The following GAK variants were observed in gnomAD, a reference collection of about 807,000 sequenced individuals.
GAK encodes cyclin-G-associated kinase.
In GAK, 79 loss-of-function variants were observed where a neutral mutation model predicts 143.9. That is an observed-to-expected ratio of 0.55 (90% CI 0.46 to 0.66). The LOEUF (loss-of-function observed/expected upper bound fraction) is 0.66, where lower values mean the gene tolerates loss of function less well. GAK is among the 30% of genes least tolerant of loss of function. The probability of loss-of-function intolerance (pLI) is 0.00; values close to 1 mark genes in which losing one functional copy is unlikely to be tolerated. For synonymous variants in GAK, 881 were observed against 765.5 expected (o/e 1.15, Z -2.49); for missense variants, 1,693 against 1,779.7 (o/e 0.95, Z 0.88).
intron 3 of GAK, chr4:912,066 G>A: frequency 2.1e-6 from 1 of 475,892 alleles, no homozygotes; most frequent in Non-Finnish European, 4.2e-6. Context: ...CCCGCGCGTG[G>A]CAGGAGGAGG....
chr4:899,471 C>T (rs761738233), intron 5 of GAK, among the ~76,000 whole-genome samples: 22 of 151,624 alleles, frequency 1.5e-4, no homozygotes, highest in Non-Finnish European at 2.6e-4. Context: ...CAGCCACGGA[C>T]GGAAGGTGCT....
At chr4:895,748 G>C (rs1226338602) in intron 7 of GAK, among the ~76,000 whole-genome samples, 1 of 152,222 alleles carries the variant, frequency 6.6e-6, no homozygotes, top group Admixed American at 6.5e-5. Flanking sequence ...GAGATGCAGG[G>C]ATGAGGGAGG....
chr4:852,832 C>G (rs1350080409), intron 24 of GAK: 1 of 152,282 alleles, frequency 6.6e-6, no homozygotes, highest in Non-Finnish European at 1.5e-5. Flanking sequence ...CCAGGGAGGG[C>G]GTCTCTCATA....
At chr4:914,746 C>CCA (rs1722787722) in intron 1 of GAK, among the ~76,000 whole-genome samples, 5 of 115,250 alleles carry the variant, frequency 4.3e-5, no homozygotes, top group Admixed American at 1.7e-4. Context: ...GTGCAAGGCC[C>CCA]CACACACAGC....
At chr4:895,852 C>A (rs1338990124) in intron 7 of GAK, among the ~76,000 whole-genome samples, 1 of 152,172 alleles carries the variant, frequency 6.6e-6, no homozygotes, top group Non-Finnish European at 1.5e-5. Flanking sequence ...CACTCCTGGG[C>A]CAAGGCACTC....
At position 851,002 on chromosome 4, in the gene GAK, C is replaced by A; in HGVS notation, c.3591G>T (p.Gly1197=). 6.2e-7 allele frequency: 1 copy of A among 1,614,144 alleles called. No homozygotes were observed. The highest frequency in any genetic ancestry group is 8.5e-7 in the Non-Finnish European group (1 of 1,179,980). The change falls in exon 26 of 28, where the codon GGG becomes GGT. Residue 1197 remains glycine, a synonymous_variant. Transcript: ENST00000314167. ...TCCTCATCTCTGCAATGGTCTTTGG[C>A]CCTTTCTTGTCAGACCTGGAGGAGA... ...QGFSSRSDKK[G]PKTIAEMRKQ... is the part of the protein sequence containing the mutation.
Position 893,488 on chromosome 4 carries a change from G to A in GAK, c.879C>T (p.Arg293=), listed in dbSNP as rs202217789. The A allele has an allele frequency of 4.3e-4, 671 of 1,564,108 alleles. 4 individuals carry two copies. The East Asian group carries it at 9.7e-3, about 23-fold the overall frequency. ...CCTCCGGGTTCACCTGCAGCATGGC[G>A]CCTGCAGCAGAAGCACAGCGCGCTC... is the stretch of plus-strand genomic sequence containing the variant. The part of the protein sequence containing the change: ...TQYTVFHSLI[R]AMLQVNPEER... The change falls in exon 9 of 28, where the codon CGC becomes CGT. Residue 293 remains arginine (R), a splice_region_variant and synonymous_variant. Coordinates refer to ENST00000314167, the MANE Select transcript of GAK (RefSeq NM_005255.4).
At chr4:874,002 T>C (rs78509255) in intron 18 of GAK, among the ~76,000 whole-genome samples, 1 of 152,158 alleles carries the variant, frequency 6.6e-6, no homozygotes, top group Non-Finnish European at 1.5e-5. Context: ...TCATCACATA[T>C]TTTTTGTTCC....
In GAK at chr4:849,494, G is replaced by A; in HGVS notation, c.*179C>T. The A allele has an allele frequency of 1.7e-6, 1 of 588,368 alleles. No homozygotes were observed. The highest frequency in any genetic ancestry group is 3.1e-6 in the Non-Finnish European group (1 of 323,576). 36.4% of individuals were successfully genotyped at this position (588,368 alleles called of 1,614,324 possible). A position where few individuals can be genotyped will look rare whatever the true frequency, so the allele number is the denominator to read the frequency against. On this transcript the variant is annotated 3_prime_UTR_variant, in exon 28 of 28. Transcript: ENST00000314167. The stretch of plus-strand genomic sequence containing the variant: ...GAGGAGAAAAAGGAAACAACAATCA[G>A]AGGCTTTGGAATGCTTTCTCTTCAT...
chr4:856,344 CCTGCTCACACCTGCTCACCACAG>C (rs1268628445), intron 24 of GAK, among the ~76,000 whole-genome samples: 2 of 117,080 alleles, frequency 1.7e-5, no homozygotes, highest in Admixed American at 8.1e-5. Context: ...GCTGCTCACA[CCTGCTCACACCTGCTCACCACAG>C]CTGCTCACCA....
At chr4:916,572 G>C (rs558599563) in intron 1 of GAK, among the ~76,000 whole-genome samples, 1 of 152,276 alleles carries the variant, frequency 6.6e-6, no homozygotes, top group Admixed American at 6.5e-5. Context: ...CATCACCAAA[G>C]ATATACTTGT....
chr4:888,082 A>G (rs925169202), intron 11 of GAK: 4 of 152,298 alleles, frequency 2.6e-5, no homozygotes, highest in Non-Finnish European at 5.9e-5. Flanking sequence ...ACAGAACAAA[A>G]AACATAAGAA....
At chr4:928,917 C>T (rs1386928957) in intron 1 of GAK, among the ~76,000 whole-genome samples, 2 of 152,140 alleles carry the variant, frequency 1.3e-5, no homozygotes, top group African/African-American at 4.8e-5. Flanking sequence ...GCATGTGTCA[C>T]CACACCCGGC....
chr4:894,923 T>C (rs1045877623), intron 7 of GAK: 1 of 152,178 alleles, frequency 6.6e-6, no homozygotes, highest in African/African-American at 2.4e-5. Context: ...GAGGTTGCAG[T>C]GCGCCGAGAT....
intron 1 of GAK, among the ~76,000 whole-genome samples, chr4:930,092 TACCAGCCATC>T (rs1353293018): frequency 1.3e-5 from 2 of 152,242 alleles, no homozygotes; most frequent in Non-Finnish European, 2.9e-5. Context: ...GGGTTCAGAT[TACCAGCCATC>T]ACCATGTTTA....
At chr4:885,541 G>A (rs917053380) in intron 11 of GAK, among the ~76,000 whole-genome samples, 14 of 152,214 alleles carry the variant, frequency 9.2e-5, no homozygotes, top group African/African-American at 3.4e-4. Context: ...CATGGACCTG[G>A]CTGTGTAGGC....
chr4:896,487 G>A lies in GAK; in HGVS notation c.714C>T (p.Phe238=), dbSNP rs1349217591. Residue 238 remains phenylalanine (F), a synonymous_variant, in exon 7 of 28, where the codon TTC becomes TTT. Coordinates refer to ENST00000314167, the MANE Select transcript of GAK (RefSeq NM_005255.4). ...AGATATCCTGCTTCTCGCCGATCGG[G>A]AAGTTGGAATACAAGTCTATGATTT... ...TPEIIDLYSN[F]PIGEKQDIWA... 3 of 1,613,968 alleles carry A rather than the reference G, an allele frequency of 1.9e-6. No homozygotes were observed. The highest frequency in any genetic ancestry group is 2.7e-5 in the African/African-American group (2 of 74,950).
At chr4:903,048 C>T (rs1045925127) in intron 5 of GAK, among the ~76,000 whole-genome samples, 7 of 152,198 alleles carry the variant, frequency 4.6e-5, no homozygotes, top group African/African-American at 1.7e-4. Flanking sequence ...CAGGAGTGTC[C>T]TCTGTGGGGC....
chr4:870,635 G>C (rs942715287), intron 19 of GAK, 76 bp downstream of exon 19: 4 of 1,483,172 alleles, frequency 2.7e-6, no homozygotes, highest in Non-Finnish European at 3.7e-6. Flanking sequence ...CCCTGCCAGA[G>C]CTCAGCCAAA....
Sources: gnomAD v4.1 joint callset for allele counts (sites outside exome capture counted in the v4.1 genomes callset) on GRCh38, gnomAD v4.1.1 for gene constraint, MANE v1.5 for transcripts, NCBI Gene and HGNC (gene_info 2026-07-23, HGNC 2026-07-21) for gene names.